The following AMPD1 variants were observed in gnomAD, a reference collection of about 807,000 sequenced individuals.
The protein encoded by AMPD1 is AMP deaminase 1.
In AMPD1, 74 loss-of-function variants were observed where a neutral mutation model predicts 82.9. The ratio of observed to expected loss-of-function variants is 0.89; its 90% confidence interval spans 0.74 to 1.08. The LOEUF (loss-of-function observed/expected upper bound fraction) is 1.08. AMPD1 is among the 50% of genes least tolerant of loss of function. The pLI is 0.00. For synonymous variants in AMPD1, 333 were observed against 320.5 expected (o/e 1.04, Z -0.42); for missense variants, 881 against 924.5 (o/e 0.95, Z 0.61).
chr1:114,684,381 A>C lies in AMPD1; in HGVS notation c.382-17T>G. The C allele has an allele frequency of 1.2e-6, 2 of 1,611,140 alleles. No individual in the cohort carries two copies. On this transcript the variant is annotated splice_polypyrimidine_tract_variant and intron_variant, in intron 4 of 15. Coordinates refer to ENST00000520113, the MANE Select transcript of AMPD1 (RefSeq NM_000036.3). ...AACTGTAACCTGCCAAAAAAAAAAA[A>C]GTCAGCATATCAGAGTCAATCCCAC...
At chr1:114,688,847 C>T (rs1222098923) in intron 2 of AMPD1, 106 bp from the exon 3 acceptor site, 1 of 1,301,724 alleles carries the variant, frequency 7.7e-7, no homozygotes, top group Non-Finnish European at 1.1e-6. Context: ...GCGTGCATGG[C>T]TCTCCTGCTT....
intron 8 of AMPD1, 44 bp from the exon 9 acceptor site, chr1:114,678,085 G>A: frequency 6.2e-7 from 1 of 1,611,682 alleles, no homozygotes; most frequent in Non-Finnish European, 8.5e-7. Flanking sequence ...TACCAGAGCT[G>A]TCTGGACAGA....
chr1:114,674,696 GA>G, intron 13 of AMPD1, 55 bp downstream of exon 13: 8 of 1,586,266 alleles, frequency 5.0e-6, no homozygotes, highest in Non-Finnish European at 6.1e-6. Context: ...TTGGTTAAGG[GA>G]AAAAAGATTC....
chr1:114,695,319 A>G, intron 1 of AMPD1, 131 bp downstream of exon 1: 1 of 1,353,716 alleles, frequency 7.4e-7, no homozygotes, highest in Non-Finnish European at 1.0e-6. Context: ...GTTTTCCTGA[A>G]ATGTATGTTA....
At chr1:114,674,208 T>C (rs1657915990) in intron 13 of AMPD1, 126 bp from the exon 14 acceptor site, 1 of 839,340 alleles carries the variant, frequency 1.2e-6, no homozygotes. Context: ...TCTTCAAGTC[T>C]CTTAGTAAGG....
rs764309251 is a variant in AMPD1 at position 114,673,285 on chromosome 1, A to G, written c.2086-13T>C. On this transcript the variant is annotated splice_polypyrimidine_tract_variant and intron_variant, in intron 15 of 15. Transcript: ENST00000520113. ...ACTTTACTTTCTCCTATAAGAGAAA[A>G]GGATGGCAGAATGATTGTTGTCTCT... 4 of 1,613,398 alleles carry G rather than the reference A, an allele frequency of 2.5e-6. No homozygotes were observed. The highest frequency in any genetic ancestry group is 2.5e-6 in the Non-Finnish European group (3 of 1,179,350).
intron 12 of AMPD1, 55 bp from the exon 13 acceptor site, chr1:114,674,927 C>T: frequency 3.1e-6 from 5 of 1,608,888 alleles, no homozygotes; most frequent in Non-Finnish European, 4.3e-6. Flanking sequence ...GAGTGATTCA[C>T]AAGAAAATTC....
intron 2 of AMPD1, among the ~76,000 whole-genome samples, chr1:114,689,685 T>C (rs1055671791): frequency 2.0e-5 from 3 of 152,066 alleles, no homozygotes; most frequent in African/African-American, 7.2e-5. Flanking sequence ...TGCATGGTAG[T>C]GCATGCCTGT....
At chr1:114,691,399 A>ATT (rs11451311) in intron 2 of AMPD1, among the ~76,000 whole-genome samples, 4,612 of 146,120 alleles carry the variant, frequency 0.032, 253 homozygotes, top group African/African-American at 0.11. Flanking sequence ...CCTCCACAAA[A>ATT]TTTTTTTTTT....
intron 7 of AMPD1, 148 bp downstream of exon 7, chr1:114,679,431 G>A: frequency 8.5e-7 from 1 of 1,176,114 alleles, no homozygotes; most frequent in Non-Finnish European, 1.2e-6. Context: ...TAACCCATTG[G>A]ACATAATCTA....
Position 114,676,015 on chromosome 1 carries a change from A to G in AMPD1, c.1389-12T>C. The G allele has an allele frequency of 6.2e-7, 1 of 1,613,652 alleles. No individual in the cohort carries two copies. Among genetic ancestry groups the G allele is most frequent in the South Asian group, 1.1e-5 (1 of 91,070 alleles). On this transcript the variant is annotated splice_polypyrimidine_tract_variant and intron_variant, in intron 10 of 15. Transcript: ENST00000520113. ...AACGGAACACATCACTAGAGGCAAG[A>G]ATGAAGAGAATTTAGGAGAAAAAAA...
chr1:114,675,787 A>T, intron 11 of AMPD1, 90 bp downstream of exon 11: 13 of 1,613,346 alleles, frequency 8.1e-6, no homozygotes, highest in African/African-American at 1.3e-5. Flanking sequence ...CAGACCAAAC[A>T]TAAAGAGATA....
chr1:114,675,388 A>G, intron 12 of AMPD1, 142 bp downstream of exon 12: 1 of 886,274 alleles, frequency 1.1e-6, no homozygotes, highest in South Asian at 1.4e-5. Context: ...TGAAGAAAAA[A>G]GTTAAGAGAA....
intron 13 of AMPD1, among the ~76,000 whole-genome samples, chr1:114,674,326 T>A (rs1201911785): frequency 1.3e-5 from 2 of 152,226 alleles, no homozygotes; most frequent in Admixed American, 6.5e-5. Context: ...TGATCTATAA[T>A]GGCCTACGTT....
Position 114,679,620 on chromosome 1 carries a change from G to A in AMPD1, c.856C>T (p.Leu286=). 3 of 1,612,046 alleles carry A rather than the reference G, an allele frequency of 1.9e-6. No individual in the cohort carries two copies. The highest frequency in any genetic ancestry group is 1.1e-5 in the South Asian group (1 of 90,948). ...AAATCTCGGTGGGGGTTGTTTTTCAGCTCCTTTAACTCGTCCATCTCGTTA... is the reference window on the plus strand; with the variant it reads ...AAATCTCGGTGGGGGTTGTTTTTCAACTCCTTTAACTCGTCCATCTCGTTA... The part of the protein sequence containing the change: ...MLNEMDELKE[L]KNNPHRDFYN... Residue 286 remains leucine, a synonymous_variant, in exon 7 of 16, where the codon CTG becomes TTG. Transcript: ENST00000520113.
intron 1 of AMPD1, 35 bp from the exon 2 acceptor site, chr1:114,693,482 T>A (rs909761617): frequency 1.3e-6 from 2 of 1,588,774 alleles, no homozygotes; most frequent in African/African-American, 2.7e-5. Context: ...ATAAAATATG[T>A]GAACAACTTT....
intron 1 of AMPD1, among the ~76,000 whole-genome samples, chr1:114,694,577 C>G (rs983591430): frequency 2.0e-5 from 3 of 152,156 alleles, no homozygotes; most frequent in Non-Finnish European, 4.4e-5. Flanking sequence ...GGTGCAGTGG[C>G]TAACACTTGT....
intron 2 of AMPD1, among the ~76,000 whole-genome samples, chr1:114,692,032 T>C (rs966094059): frequency 5.3e-5 from 8 of 152,186 alleles, no homozygotes; most frequent in Non-Finnish European, 8.8e-5. Context: ...TTCATCATCA[T>C]AAAGGGGAAT....
intron 2 of AMPD1, chr1:114,688,977 C>G (rs985917757): frequency 2.8e-6 from 2 of 724,264 alleles, no homozygotes; most frequent in Admixed American, 1.7e-5. Context: ...CATTTCAGAA[C>G]AGTCCTAAAG....
Sources: gnomAD v4.1 joint callset for allele counts (sites outside exome capture counted in the v4.1 genomes callset) on GRCh38, gnomAD v4.1.1 for gene constraint, MANE v1.5 for transcripts, NCBI Gene and HGNC (gene_info 2026-07-23, HGNC 2026-07-21) for gene names.